The following MAPRE2 variants were observed in gnomAD, a reference collection of about 807,000 sequenced individuals.
The protein encoded by MAPRE2 is microtubule-associated protein RP/EB family member 2.
Under a neutral mutation model 43.2 loss-of-function variants are expected in MAPRE2, and 13 were observed. The observed-to-expected ratio is 0.30, with a 90% CI of 0.20 to 0.48. The LOEUF is 0.48. Ranked by LOEUF, MAPRE2 falls within the 20% of genes least tolerant of loss-of-function variation. The probability of loss-of-function intolerance (pLI) is 0.99; values close to 1 mark genes in which losing one functional copy is unlikely to be tolerated. For synonymous variants in MAPRE2, 135 were observed against 148.8 expected, an observed-to-expected ratio of 0.91 and a Z score of 0.68; for missense variants, 161 against 400.2, an observed-to-expected ratio of 0.40 and a Z score of 5.10.
intron 2 of MAPRE2, among the ~76,000 whole-genome samples, chr18:35,096,496 C>T (rs1908422052): frequency 6.6e-6 from 1 of 152,160 alleles, no homozygotes; most frequent in African/African-American, 2.4e-5. Flanking sequence ...AAGAGCTCTT[C>T]ATATATTTTT....
At chr18:35,096,262 A>G (rs1322348667) in intron 2 of MAPRE2, among the ~76,000 whole-genome samples, 1 of 152,214 alleles carries the variant, frequency 6.6e-6, no homozygotes, top group East Asian at 1.9e-4. Context: ...TCATGAGCAC[A>G]TCATAGAGAG....
At chr18:35,137,077 AGC>A (rs1257612400) in intron 6 of MAPRE2, among the ~76,000 whole-genome samples, 1 of 152,196 alleles carries the variant, frequency 6.6e-6, no homozygotes, top group Non-Finnish European at 1.5e-5. Flanking sequence ...GTGGGCTGTG[AGC>A]TCTCAGTTGT....
At chr18:35,005,398 C>A in intron 1 of MAPRE2, 1 of 671,110 alleles carries the variant, frequency 1.5e-6, no homozygotes, top group Non-Finnish European at 2.5e-6. Flanking sequence ...CATTGCTGGC[C>A]ACACCCACTA....
At chr18:35,086,040 C>G (rs1568998040) in intron 2 of MAPRE2, among the ~76,000 whole-genome samples, 1 of 152,142 alleles carries the variant, frequency 6.6e-6, no homozygotes, top group Non-Finnish European at 1.5e-5. Flanking sequence ...TCTAACCTTT[C>G]ATCAGTACCA....
intron 1 of MAPRE2, among the ~76,000 whole-genome samples, chr18:34,991,546 G>A (rs144103126): frequency 5.3e-5 from 8 of 152,230 alleles, no homozygotes; most frequent in Admixed American, 5.2e-4. Context: ...AGAATGCGTG[G>A]CCTTTTTTCT....
intron 6 of MAPRE2, among the ~76,000 whole-genome samples, chr18:35,140,093 A>T (rs1356257278): frequency 6.6e-6 from 1 of 152,204 alleles, no homozygotes; most frequent in African/African-American, 2.4e-5. Flanking sequence ...CTGTTCTTTG[A>T]TCACATGGGG....
intron 1 of MAPRE2, among the ~76,000 whole-genome samples, chr18:34,999,110 G>A (rs1167163769): frequency 6.6e-6 from 1 of 152,046 alleles, no homozygotes; most frequent in African/African-American, 2.4e-5. Flanking sequence ...CTCTCTCTGT[G>A]CTACTTTGAC....
intron 4 of MAPRE2, among the ~76,000 whole-genome samples, chr18:35,114,722 T>A (rs550387789): frequency 1.3e-5 from 2 of 152,212 alleles, no homozygotes; most frequent in East Asian, 3.8e-4. Flanking sequence ...TCTCCACTGT[T>A]GTCCTCCCTG....
chr18:35,080,136 C>G (rs939274428), intron 2 of MAPRE2, among the ~76,000 whole-genome samples: 1 of 152,160 alleles, frequency 6.6e-6, no homozygotes, highest in Non-Finnish European at 1.5e-5. Flanking sequence ...AAATGCTATT[C>G]AAACTAGGAT....
At chr18:35,061,735 A>G (rs1302912758) in intron 1 of MAPRE2, among the ~76,000 whole-genome samples, 10 of 152,206 alleles carry the variant, frequency 6.6e-5, no homozygotes, top group Non-Finnish European at 1.5e-5. Flanking sequence ...AGTTCCTGTA[A>G]TCTCTCTCCA....
At chr18:35,082,151 G>A (rs1224261421) in intron 2 of MAPRE2, 2 of 112,926 alleles carry the variant, frequency 1.8e-5, no homozygotes, top group Non-Finnish European at 3.2e-5. Context: ...TTAGCCGGGC[G>A]TAGTGGCGGG....
intron 1 of MAPRE2, among the ~76,000 whole-genome samples, chr18:35,051,330 T>TGGG (rs763209035): frequency 6.6e-6 from 1 of 152,122 alleles, no homozygotes; most frequent in African/African-American, 2.4e-5. Flanking sequence ...AGTCCCTTAA[T>TGGG]GGGGCCTGGA....
At chr18:35,065,996 C>G in intron 1 of MAPRE2, among the ~76,000 whole-genome samples, 1 of 152,226 alleles carries the variant, frequency 6.6e-6, no homozygotes, top group East Asian at 1.9e-4. Flanking sequence ...TGTGGCAAGT[C>G]ACCTAAGAAT....
At chr18:34,985,355 ATATAATATAATATATAATATATTATT>A (rs2097019632) in intron 1 of MAPRE2, among the ~76,000 whole-genome samples, 1 of 42,664 alleles carries the variant, frequency 2.3e-5, no homozygotes, top group Non-Finnish European at 3.8e-5. Context: ...TATATTATAT[ATATAATATAATATATAATATATTATT>A]TTATATATAT....
chr18:35,097,183 C>G (rs1364283975), intron 2 of MAPRE2, among the ~76,000 whole-genome samples: 1 of 152,142 alleles, frequency 6.6e-6, no homozygotes, highest in African/African-American at 2.4e-5. Flanking sequence ...GGTTGTGGAA[C>G]CTGGTGATAT....
At chr18:35,116,228 T>C (rs555072518) in intron 4 of MAPRE2, among the ~76,000 whole-genome samples, 2 of 152,314 alleles carry the variant, frequency 1.3e-5, no homozygotes, top group East Asian at 3.9e-4. Context: ...CGGAGGTGTA[T>C]TGAAGAGCAT....
At chr18:35,053,454 T>C (rs921859504) in intron 1 of MAPRE2, among the ~76,000 whole-genome samples, 10 of 151,584 alleles carry the variant, frequency 6.6e-5, no homozygotes, top group Admixed American at 3.3e-4. Context: ...GGTAAAATAG[T>C]AACAGAATAA....
intron 1 of MAPRE2, among the ~76,000 whole-genome samples, chr18:35,046,673 G>A (rs936656432): frequency 6.6e-5 from 10 of 152,132 alleles, no homozygotes; most frequent in Non-Finnish European, 1.5e-5. Flanking sequence ...AAAGGAAAAC[G>A]GGATCCCAAT....
chr18:35,095,155 A>G (rs1289429642), intron 2 of MAPRE2, among the ~76,000 whole-genome samples: 2 of 152,204 alleles, frequency 1.3e-5, no homozygotes, highest in Non-Finnish European at 2.9e-5. Context: ...CCATAAAAGT[A>G]CTTGACAGAA....
Sources: allele counts gnomAD v4.1 joint callset (sites outside exome capture counted in the v4.1 genomes callset), GRCh38; gene constraint gnomAD v4.1.1; transcripts MANE v1.5; gene names NCBI Gene and HGNC (gene_info 2026-07-23, HGNC 2026-07-21).